CFAP141: variants seen among roughly 807,000 people sequenced by gnomAD.
CFAP141 encodes the protein cilia- and flagella-associated protein 141.
chr1:154,203,111 ACT>A, the CFAP141 span, among the ~76,000 whole-genome samples: 128 of 132,166 alleles, frequency 9.7e-4, no homozygotes, highest in African/African-American at 2.9e-3. Context: ...GTGGAGTAAG[ACT>A]CTGTCTTAGA....
chr1:154,201,223 C>T, the CFAP141 span, among the ~76,000 whole-genome samples: 197 of 150,790 alleles, frequency 1.3e-3, no homozygotes, highest in African/African-American at 4.7e-3. Context: ...CTCCACTTCC[C>T]GGGTTCAAGT....
chr1:154,201,481 G>T, the CFAP141 span, among the ~76,000 whole-genome samples: 1 of 151,388 alleles, frequency 6.6e-6, no homozygotes, highest in African/African-American at 2.4e-5. Context: ...TCTGCCTCCA[G>T]GGTTCAAGTG....
the CFAP141 span, among the ~76,000 whole-genome samples, chr1:154,204,428 G>T: frequency 6.6e-6 from 1 of 152,136 alleles, no homozygotes; most frequent in Non-Finnish European, 1.5e-5. Context: ...CTAGGCATCA[G>T]TGCTTATTTA....
At chr1:154,199,274 G>C in the CFAP141 span, 1 of 561,464 alleles carries the variant, frequency 1.8e-6, no homozygotes, top group Non-Finnish European at 3.2e-6. Context: ...ATTAACGAGA[G>C]AGTGGAGAAG....
At chr1:154,203,209 AT>A in the CFAP141 span, among the ~76,000 whole-genome samples, 1 of 51,852 alleles carries the variant, frequency 1.9e-5, no homozygotes, top group East Asian at 1.3e-3. Context: ...ATATATATAT[AT>A]ATATATATAT....
At chr1:154,199,360 G>C in the CFAP141 span, 3 of 1,076,984 alleles carry the variant, frequency 2.8e-6, no homozygotes, top group Non-Finnish European at 4.1e-6. Flanking sequence ...GGTTCAAGGT[G>C]GTAGAGGTTC....
the CFAP141 span, among the ~76,000 whole-genome samples, chr1:154,206,110 T>C: frequency 6.6e-5 from 10 of 152,198 alleles, no homozygotes; most frequent in Non-Finnish European, 1.5e-4. Flanking sequence ...AGAACACATA[T>C]TTGAATACCT....
chr1:154,206,301 C>T, the CFAP141 span: 1 of 1,614,108 alleles, frequency 6.2e-7, no homozygotes, highest in Non-Finnish European at 8.5e-7. Flanking sequence ...ATCTTTTCCA[C>T]AGACATGTCT....
chr1:154,199,490 C>G, the CFAP141 span: 1 of 1,613,472 alleles, frequency 6.2e-7, no homozygotes, highest in Non-Finnish European at 8.5e-7. Context: ...ACTGCTGATG[C>G]TCCTTTTCAA....
chr1:154,201,543 A>G, the CFAP141 span, among the ~76,000 whole-genome samples: 1 of 151,800 alleles, frequency 6.6e-6, no homozygotes, highest in East Asian at 1.9e-4. Context: ...ATGTGCCACC[A>G]CACCTGGCTA....
chr1:154,200,239 T>C, the CFAP141 span, among the ~76,000 whole-genome samples: 1 of 152,232 alleles, frequency 6.6e-6, no homozygotes, highest in Non-Finnish European at 1.5e-5. Flanking sequence ...TTTGGGACTT[T>C]AACATGTGCC....
the CFAP141 span, among the ~76,000 whole-genome samples, chr1:154,201,354 A>C: frequency 6.7e-6 from 1 of 150,148 alleles, no homozygotes; most frequent in African/African-American, 2.5e-5. Context: ...GAGATGCCCA[A>C]GGTCACTTAA....
chr1:154,200,999 A>C, the CFAP141 span, among the ~76,000 whole-genome samples: 1 of 149,946 alleles, frequency 6.7e-6, no homozygotes, highest in African/African-American at 2.5e-5. Context: ...CTGTTTCTTC[A>C]CCTGGAACCT....
the CFAP141 span, among the ~76,000 whole-genome samples, chr1:154,205,208 C>G: frequency 2.0e-5 from 3 of 152,198 alleles, no homozygotes; most frequent in South Asian, 6.2e-4. Context: ...AAAAGTTCAT[C>G]AGGGTGAAAA....
the CFAP141 span, chr1:154,205,642 CAAG>C: frequency 1.9e-6 from 3 of 1,613,598 alleles, no homozygotes; most frequent in Non-Finnish European, 2.5e-6. Flanking sequence ...GAAAACTCTG[CAAG>C]AAAAGGTAGT....
the CFAP141 span, chr1:154,205,700 G>T: frequency 2.1e-6 from 3 of 1,454,822 alleles, no homozygotes; most frequent in Non-Finnish European, 2.9e-6. Context: ...TCTAATGAGA[G>T]ACATAGACCT....
At chr1:154,203,968 G>A in the CFAP141 span, among the ~76,000 whole-genome samples, 1 of 152,106 alleles carries the variant, frequency 6.6e-6, no homozygotes, top group Non-Finnish European at 1.5e-5. Flanking sequence ...GCGGGCACCT[G>A]TAATCCCAAC....
the CFAP141 span, among the ~76,000 whole-genome samples, chr1:154,201,677 C>A: frequency 1.3e-5 from 2 of 152,038 alleles, no homozygotes; most frequent in Non-Finnish European, 2.9e-5. Context: ...TATGAGCCAC[C>A]GCGCCTGGCC....
chr1:154,200,273 A>T, the CFAP141 span, among the ~76,000 whole-genome samples: 1 of 152,262 alleles, frequency 6.6e-6, no homozygotes, highest in African/African-American at 2.4e-5. Flanking sequence ...GTGGATGCAA[A>T]GAATCACTTA....
Sources: gnomAD v4.1 joint callset for allele counts (sites outside exome capture counted in the v4.1 genomes callset) on GRCh38, gnomAD v4.1.1 for gene constraint, MANE v1.5 for transcripts, NCBI Gene and HGNC (gene_info 2026-07-23, HGNC 2026-07-21) for gene names.